The following TMEM72 variants were observed in gnomAD, a reference collection of about 807,000 sequenced individuals.
TMEM72 encodes the protein kidney-specific secretory protein of 37 kDa.
Under a neutral mutation model 16.3 loss-of-function variants are expected in TMEM72, and 9 were observed. The ratio of observed to expected loss-of-function variants is 0.55; its 90% CI spans 0.33 to 0.96. The LOEUF is 0.96. TMEM72 is among the 40% of genes least tolerant of loss of function. The pLI is 0.03. For synonymous variants in TMEM72, 160 were observed against 146.5 expected (o/e 1.09, Z -0.66); for missense variants, 324 against 337.8 (o/e 0.96, Z 0.32).
rs1396337480 is a variant in TMEM72 at position 44,936,678 on chromosome 10, A to G, written c.*1544A>G. The G allele has an allele frequency of 2.0e-5, 3 of 152,234 alleles. No homozygotes were observed. Among genetic ancestry groups the G allele is most frequent in the Admixed American group, 1.3e-4 (2 of 15,288 alleles). 9.4% of individuals were successfully genotyped at this position (152,234 alleles called of 1,614,324 possible). On this transcript the variant is annotated 3_prime_UTR_variant, in exon 5 of 5. Transcript: ENST00000389583. Reference sequence around the variant, plus strand: ...GTCTACAGTCAGGGAATAGTGAACAATATGGGATATGGGTATAGGTAGGTG... The same window carrying G: ...GTCTACAGTCAGGGAATAGTGAACAGTATGGGATATGGGTATAGGTAGGTG...
chr10:44,932,576 C>T (rs1365115920), intron 3 of TMEM72, among the ~76,000 whole-genome samples: 2 of 152,226 alleles, frequency 1.3e-5, no homozygotes, highest in Non-Finnish European at 2.9e-5. Context: ...CCAGCCTACA[C>T]TCAGTATGTG....
intron 3 of TMEM72, 126 bp from the exon 4 acceptor site, chr10:44,933,511 T>C: frequency 7.6e-7 from 1 of 1,316,570 alleles, no homozygotes; most frequent in Non-Finnish European, 1.0e-6. Flanking sequence ...CCGCTAGGGC[T>C]TTCTGTTCAG....
intron 1 of TMEM72, chr10:44,920,287 T>C (rs1172859108): frequency 6.6e-6 from 1 of 152,272 alleles, no homozygotes; most frequent in East Asian, 1.9e-4. Flanking sequence ...GCAAGACATA[T>C]GTCACAATTC....
chr10:44,913,643 G>A (rs939943597), intron 1 of TMEM72, among the ~76,000 whole-genome samples: 5 of 152,194 alleles, frequency 3.3e-5, no homozygotes, highest in African/African-American at 1.2e-4. Context: ...AAATGATCTT[G>A]CTCGGGCTTT....
chr10:44,929,321 A>G (rs570838021), intron 2 of TMEM72, among the ~76,000 whole-genome samples: 1 of 152,292 alleles, frequency 6.6e-6, no homozygotes, highest in Admixed American at 6.5e-5. Flanking sequence ...TTTCTTCCAA[A>G]TGATATAGGA....
chr10:44,927,645 T>C (rs1335067694), intron 1 of TMEM72, among the ~76,000 whole-genome samples: 1 of 152,188 alleles, frequency 6.6e-6, no homozygotes, highest in East Asian at 1.9e-4. Context: ...GCCACATTAG[T>C]GTGGGCAGTT....
intron 1 of TMEM72, among the ~76,000 whole-genome samples, chr10:44,919,087 TTTAAACGAAATC>T (rs1204213486): frequency 6.6e-6 from 1 of 152,174 alleles, no homozygotes; most frequent in Non-Finnish European, 1.5e-5. Context: ...GACACAAAGT[TTTAAACGAAATC>T]CAACATTCTT....
intron 1 of TMEM72, among the ~76,000 whole-genome samples, chr10:44,915,726 A>G (rs548311627): frequency 2.0e-5 from 3 of 152,246 alleles, no homozygotes; most frequent in South Asian, 4.2e-4. Context: ...AGTGAAGCAC[A>G]TAGTCAAGGA....
intron 1 of TMEM72, among the ~76,000 whole-genome samples, chr10:44,920,406 G>A (rs535108122): frequency 5.9e-5 from 9 of 152,330 alleles, no homozygotes; most frequent in East Asian, 1.9e-4. Context: ...AGGCAGCCCC[G>A]CAGATGGCCC....
rs562694535 is a variant in TMEM72, at chr10:44,933,924, G to C, written c.349+148G>C. ...CTCTGACCTAGAGGGTGGACATGAG[G>C]AATCATCGGAATGCCAGACATACTC... On this transcript the variant is annotated intron_variant, in intron 4 of 4. Transcript: ENST00000389583. The C allele has an allele frequency of 3.0e-6, 3 of 999,970 alleles. No individual in the cohort carries two copies. In the African/African-American group the frequency reaches 4.9e-5, roughly 16 times the overall value. The allele number at this position is 999,970 out of a possible 1,614,324, so 61.9% of individuals were successfully genotyped here.
At chr10:44,919,209 A>G (rs937868736) in intron 1 of TMEM72, among the ~76,000 whole-genome samples, 1 of 152,220 alleles carries the variant, frequency 6.6e-6, no homozygotes, top group Non-Finnish European at 1.5e-5. Context: ...ACTTAAATGT[A>G]AAAGACCAGG....
rs1840364115 is a variant in TMEM72 at position 44,934,664 on chromosome 10, C to T, written c.358C>T (p.Leu120Phe). The T allele has an allele frequency of 6.3e-7, 1 of 1,575,732 alleles. No individual in the cohort carries two copies. The highest frequency in any genetic ancestry group is 8.6e-7 in the Non-Finnish European group (1 of 1,162,330). ...CTCTGGCTCTTTTCCAGGCTCCATG[C>T]TCATCATCACCGGCCTGGCCTACTT... ...VWHVTIPGSM[L>F]IITGLAYFLL... The change falls in exon 5 of 5, where the codon CTC (leucine) becomes TTC (phenylalanine). Residue 120 changes from leucine (L) to phenylalanine (F), a missense_variant. Physicochemically the swap from Leu to Phe is conservative, Grantham distance 22. Coordinates refer to ENST00000389583, the MANE Select transcript of TMEM72 (RefSeq NM_001123376.3).
rs576631635 is a variant in TMEM72 at position 44,925,304 on chromosome 10, C to T, written c.71-2617C>T. 1.2e-4 allele frequency among the ~76,000 whole-genome samples: 19 copies of T among 152,330 alleles called. No individual in the cohort carries two copies. The East Asian group carries it at 3.7e-3, about 29-fold the overall frequency. On this transcript the variant is annotated intron_variant, in intron 1 of 4. Coordinates refer to ENST00000389583, the MANE Select transcript of TMEM72 (RefSeq NM_001123376.3). Reference sequence around the variant, plus strand: ...AACAAAAGGCATCAAAATAGCTCTCCACATGCCAAACAGGTGCAGGTCAGG... The same window carrying T: ...AACAAAAGGCATCAAAATAGCTCTCTACATGCCAAACAGGTGCAGGTCAGG...
chr10:44,912,023 T>G (rs1839944974), intron 1 of TMEM72, among the ~76,000 whole-genome samples: 1 of 152,198 alleles, frequency 6.6e-6, no homozygotes, highest in Non-Finnish European at 1.5e-5. Context: ...GAGAGAGAAC[T>G]CCCAGTCATG....
At chr10:44,925,282 A>C (rs540031875) in intron 1 of TMEM72, among the ~76,000 whole-genome samples, 27 of 152,350 alleles carry the variant, frequency 1.8e-4, no homozygotes, top group African/African-American at 6.5e-4. Flanking sequence ...AGTGCAAAAC[A>C]AAAGGCATCA....
At chr10:44,933,211 G>A (rs139232128) in intron 3 of TMEM72, among the ~76,000 whole-genome samples, 2 of 152,342 alleles carry the variant, frequency 1.3e-5, no homozygotes, top group East Asian at 3.9e-4. Context: ...GGGCACAGCT[G>A]GGTGCCAGCC....
intron 1 of TMEM72, among the ~76,000 whole-genome samples, chr10:44,913,456 A>G (rs796428986): frequency 8.6e-5 from 13 of 150,694 alleles, no homozygotes; most frequent in African/African-American, 3.0e-4. Flanking sequence ...GTGCACGCAC[A>G]CACACACACA....
intron 4 of TMEM72, among the ~76,000 whole-genome samples, chr10:44,934,324 C>G (rs1016405562): frequency 6.6e-6 from 1 of 152,200 alleles, no homozygotes; most frequent in Non-Finnish European, 1.5e-5. Flanking sequence ...CTGCTAGTGT[C>G]CTTCTCCTCT....
At position 44,934,951 on chromosome 10, in the gene TMEM72, C is replaced by A; in HGVS notation, c.645C>A (p.Ser215=). ...LMELSLEPAD[S]LAKKKQVHFE... ...AGCTGAGCCTGGAGCCAGCCGACTC[C>A]CTGGCCAAGAAGAAGCAGGTGCACT... is the stretch of plus-strand genomic sequence containing the variant. Residue 215 remains serine, a synonymous_variant, in exon 5 of 5, where the codon TCC becomes TCA. Coordinates refer to ENST00000389583, the MANE Select transcript of TMEM72 (RefSeq NM_001123376.3). 1 of 1,614,012 alleles carries A rather than the reference C, an allele frequency of 6.2e-7. No homozygotes were observed.
Sources: allele counts gnomAD v4.1 joint callset (sites outside exome capture counted in the v4.1 genomes callset), GRCh38; gene constraint gnomAD v4.1.1; transcripts MANE v1.5; gene names NCBI Gene and HGNC (gene_info 2026-07-23, HGNC 2026-07-21).